Variants in TOE1 observed in about 807,000 individuals in gnomAD.
TOE1 encodes target of EGR1, exonuclease, also known as target of EGR1 protein 1.
Under a neutral mutation model 49.2 loss-of-function variants are expected in TOE1, and 50 were observed. The ratio of observed to expected loss-of-function variants is 1.02; its 90% confidence interval spans 0.81 to 1.29. The LOEUF (loss-of-function observed/expected upper bound fraction) is 1.29. Among genes scored for constraint, TOE1 ranks in the 50% most tolerant of loss-of-function variants. TOE1 has a pLI of 0.00. For missense variants in TOE1, 544 were observed against 654.4 expected, an observed-to-expected ratio of 0.83 and a Z score of 1.84; for synonymous variants, 221 against 247.0, an observed-to-expected ratio of 0.89 and a Z score of 0.99.
rs562110457 is a variant in TOE1, at chr1:45,343,001, C to T, written c.911C>T (p.Ser304Leu). ...PHPTSICDNF[S>L]AYGWCPLGPQ... ...CCCACCAGCATCTGTGACAACTTCT[C>T]GGTGAGAGCACCCACCTGTTTCTTG... The change falls in exon 7 of 8, where the codon TCG becomes TTG. Residue 304 changes from serine (S) to leucine (L), a missense_variant and splice_region_variant. Coordinates refer to ENST00000372090, the MANE Select transcript of TOE1 (RefSeq NM_025077.4). The surrounding 1 kb of genome is among the most constrained non-coding windows in gnomAD (Gnocchi z 4.3). 5.6e-6 allele frequency: 9 copies of T among 1,613,834 alleles called. No homozygotes were observed. Among genetic ancestry groups the T allele is most frequent in the South Asian group, 1.1e-5 (1 of 91,046 alleles).
rs746100347 is a variant in TOE1, at chr1:45,341,135, G to T, written c.115G>T (p.Val39Leu). 6 of 1,614,224 alleles carry T rather than the reference G, an allele frequency of 3.7e-6. No homozygotes were observed. The Admixed American group carries it at 1.0e-4, about 27-fold the overall frequency. The change falls in exon 2 of 8, where the codon GTG (valine) becomes TTG (leucine). Residue 39 changes from valine to leucine, a missense_variant. Coordinates refer to ENST00000372090, the MANE Select transcript of TOE1 (RefSeq NM_025077.4). ...ELVVQVPVVD[V>L]QSNNFKEMWP... ...AGTAGTCCAGGTTCCCGTAGTGGATGTGCAAAGCAACAACTTCAAGGAGAT... is the reference window on the plus strand; with the variant it reads ...AGTAGTCCAGGTTCCCGTAGTGGATTTGCAAAGCAACAACTTCAAGGAGAT...
At chr1:45,341,410 G>C in intron 3 of TOE1, 63 bp from the exon 4 acceptor site, 1 of 1,614,076 alleles carries the variant, frequency 6.2e-7, no homozygotes, top group Admixed American at 1.7e-5. Context: ...CACAGACCTG[G>C]GTGGTTTGGG....
In TOE1 at chr1:45,341,966, GGCT is replaced by G. The variant is rs749042228; in HGVS notation, c.352_354del (p.Ala118del). 27 of 1,613,822 alleles carry G rather than the reference GGCT, an allele frequency of 1.7e-5. No individual in the cohort carries two copies. Among genetic ancestry groups the G allele is most frequent in the Non-Finnish European group, 2.1e-5 (25 of 1,179,916 alleles). On this transcript the variant is annotated inframe_deletion, in exon 5 of 8. Transcript: ENST00000372090. ...TCTCCCAGGGTGAACATTCCTATCT[GGCT>G]CAAGTGTTCAATCTCACTCTGCTGT...
At chr1:45,342,135 G>C (rs765453683) in intron 5 of TOE1, 28 bp downstream of exon 5, 8 of 1,610,948 alleles carry the variant, frequency 5.0e-6, no homozygotes, top group Non-Finnish European at 6.8e-6. Flanking sequence ...CTAGCCTTGA[G>C]TCTGCCCTTT....
chr1:45,342,004 A>G lies in TOE1; in HGVS notation c.389A>G (p.Glu130Gly). ...AATCTCACTCTGCTGTGCATGGAGG[A>G]GTATGTCATAGAACCAAAGTCTGTG... Reference protein sequence around the residue: ...VFNLTLLCMEEYVIEPKSVQF... With the variant: ...VFNLTLLCMEGYVIEPKSVQF... Residue 130 changes from glutamate to glycine, a missense_variant, in exon 5 of 8, where the codon GAG becomes GGG. Coordinates refer to ENST00000372090, the MANE Select transcript of TOE1 (RefSeq NM_025077.4). 6.2e-7 allele frequency: 1 copy of G among 1,614,026 alleles called. No homozygotes were observed. The highest frequency in any genetic ancestry group is 8.5e-7 in the Non-Finnish European group (1 of 1,179,956).
At position 45,343,910 on chromosome 1, in the gene TOE1, G is replaced by C; in HGVS notation, c.*208G>C. 1 of 449,538 alleles carries C rather than the reference G, an allele frequency of 2.2e-6. No homozygotes were observed. Among genetic ancestry groups the C allele is most frequent in the Non-Finnish European group, 3.9e-6 (1 of 257,988 alleles). 27.8% of individuals were successfully genotyped at this position (449,538 alleles called of 1,614,324 possible). ...CCTGTAACACTGACTTTATTTTTAAGTCTGAAAATGTCTTGGGAAAGTTTT... is the reference window on the plus strand; with the variant it reads ...CCTGTAACACTGACTTTATTTTTAACTCTGAAAATGTCTTGGGAAAGTTTT... On this transcript the variant is annotated 3_prime_UTR_variant, in exon 8 of 8. Coordinates refer to ENST00000372090, the MANE Select transcript of TOE1 (RefSeq NM_025077.4). The surrounding 1 kb of genome is among the most constrained non-coding windows in gnomAD (Gnocchi z 4.3).
Position 45,342,615 on chromosome 1 carries a change from T to A in TOE1, c.724T>A (p.Ser242Thr). ...TGAGTTTCATGCCCGTTTCGTGGCC[T>A]CCTACTTAGAATATGCCTTCCGGAA... ...AAEFHARFVA[S>T]YLEYAFRKCE... Residue 242 changes from serine to threonine, a missense_variant, in exon 6 of 8, where the codon TCC becomes ACC. Physicochemically the swap from Ser to Thr is moderately conservative, Grantham distance 58. Transcript: ENST00000372090. 1 of 1,614,080 alleles carries A rather than the reference T, an allele frequency of 6.2e-7. No homozygotes were observed. Among genetic ancestry groups the A allele is most frequent in the Non-Finnish European group, 8.5e-7 (1 of 1,180,012 alleles).
chr1:45,342,174 C>A, intron 5 of TOE1, 67 bp downstream of exon 5: 2 of 1,579,666 alleles, frequency 1.3e-6, no homozygotes, highest in Admixed American at 1.7e-5. Flanking sequence ...CTACCCTAGG[C>A]TGGATGTCTG....
Position 45,342,980 on chromosome 1 carries a change from C to G in TOE1, c.890C>G (p.Thr297Ser). 1.2e-6 allele frequency: 2 copies of G among 1,613,882 alleles called. No individual in the cohort carries two copies. Among genetic ancestry groups the G allele is most frequent in the Non-Finnish European group, 1.7e-6 (2 of 1,179,972 alleles). The change falls in exon 7 of 8, where the codon ACC (threonine) becomes AGC (serine). Residue 297 changes from threonine to serine, a missense_variant. Coordinates refer to ENST00000372090, the MANE Select transcript of TOE1 (RefSeq NM_025077.4). Reference protein sequence around the residue: ...LPPATHRPHPTSICDNFSAYG... With the variant: ...LPPATHRPHPSSICDNFSAYG... ...CCAGCAACCCACCGTCCTCATCCCA[C>G]CAGCATCTGTGACAACTTCTCGGTG...
Position 45,341,543 on chromosome 1 carries a change from G to A in TOE1, c.307G>A (p.Ala103Thr), listed in dbSNP as rs371848318. 3 of 1,613,756 alleles carry A rather than the reference G, an allele frequency of 1.9e-6. No individual in the cohort carries two copies. The highest frequency in any genetic ancestry group is 4.5e-5 in the East Asian group (2 of 44,874). Reference protein sequence around the residue: ...RTRSILSLGLACFKRQPDKGE... With the variant: ...RTRSILSLGLTCFKRQPDKGE... ...CCGTTCTATCCTTTCCCTGGGCCTC[G>A]CCTGCTTCAAGCGGCAGCCAGACAA... Residue 103 changes from alanine to threonine, a missense_variant, in exon 4 of 8, where the codon GCC becomes ACC. Coordinates refer to ENST00000372090, the MANE Select transcript of TOE1 (RefSeq NM_025077.4).
chr1:45,343,093 G>A lies in TOE1; in HGVS notation c.924G>A (p.Trp308Ter), dbSNP rs1475538826. Residue 308 changes from tryptophan to a stop codon, truncating the protein, a stop_gained, in exon 8 of 8, where the codon TGG becomes TGA. Transcript: ENST00000372090. LOFTEE classifies it high-confidence loss of function. This position sits in a 1 kb window ranked among gnomAD's most constrained non-coding sequence, Gnocchi z 4.3. ...SICDNFSAYG[W>*]CPLGPQCPQS... ...TTTCCCACCCCTAGGCTTATGGCTGGTGCCCCCTGGGACCACAGTGTCCTC... is the reference window on the plus strand; with the variant it reads ...TTTCCCACCCCTAGGCTTATGGCTGATGCCCCCTGGGACCACAGTGTCCTC... 1.2e-6 allele frequency: 2 copies of A among 1,613,530 alleles called. No individual in the cohort carries two copies. The highest frequency in any genetic ancestry group is 1.7e-6 in the Non-Finnish European group (2 of 1,179,662).
rs181223290 is a variant in TOE1, at chr1:45,340,188, C to T, written c.-65C>T. ...GCCCCATCCCCGACTGCCTGAACCG[C>T]GCCAGGAGACGGACCGCAAGTCCAG... On this transcript the variant is annotated 5_prime_UTR_variant, in exon 1 of 8. Coordinates refer to ENST00000372090, the MANE Select transcript of TOE1 (RefSeq NM_025077.4). 1.5e-5 allele frequency: 25 copies of T among 1,613,088 alleles called. No homozygotes were observed. In the African/African-American group the frequency reaches 2.8e-4, roughly 18 times the overall value.
chr1:45,341,517 C>T lies in TOE1; in HGVS notation c.281C>T (p.Thr94Ile), dbSNP rs1646974780. 6.2e-7 allele frequency: 1 copy of T among 1,614,082 alleles called. No homozygotes were observed. Among genetic ancestry groups the T allele is most frequent in the Non-Finnish European group, 8.5e-7 (1 of 1,180,022 alleles). ...RYKAVCHAAR[T>I]RSILSLGLAC... ...AAGGCCGTGTGTCATGCTGCCAGGA[C>T]CCGTTCTATCCTTTCCCTGGGCCTC... is the stretch of plus-strand genomic sequence containing the variant. Residue 94 changes from threonine to isoleucine, a missense_variant, in exon 4 of 8, where the codon ACC becomes ATC. Thr to Ile is a moderately conservative substitution (Grantham distance 89). Coordinates refer to ENST00000372090, the MANE Select transcript of TOE1 (RefSeq NM_025077.4).
intron 6 of TOE1, 30 bp downstream of exon 6, chr1:45,342,673 G>A: frequency 1.2e-6 from 2 of 1,610,252 alleles, no homozygotes; most frequent in Non-Finnish European, 1.7e-6. Flanking sequence ...AAAGGGGTGG[G>A]GCCTGATACG....
intron 1 of TOE1, 115 bp from the exon 2 acceptor site, chr1:45,340,958 A>G: frequency 6.9e-7 from 1 of 1,457,152 alleles, no homozygotes; most frequent in South Asian, 1.3e-5. Context: ...GGCTTGTGGG[A>G]AAAGCTACCA....
chr1:45,340,611 A>C, intron 1 of TOE1: 2 of 1,319,642 alleles, frequency 1.5e-6, no homozygotes, highest in Non-Finnish European at 9.7e-7. Flanking sequence ...GGAAGGTAGG[A>C]CGTATTGGGA....
intron 4 of TOE1, 52 bp downstream of exon 4, chr1:45,341,621 G>A: frequency 2.6e-6 from 4 of 1,523,318 alleles, no homozygotes; most frequent in East Asian, 4.6e-5. Flanking sequence ...GTGGAGGGTA[G>A]AGAGATTCTA....
Position 45,343,484 on chromosome 1 carries a change from C to T in TOE1, c.1315C>T (p.Arg439Trp), listed in dbSNP as rs377031691. The T allele has an allele frequency of 9.0e-5, 146 of 1,613,986 alleles. No homozygotes were observed. Among genetic ancestry groups the T allele is most frequent in the Middle Eastern group, 1.6e-4 (1 of 6,084 alleles). The change falls in exon 8 of 8, where the codon CGG (arginine) becomes TGG (tryptophan). Residue 439 changes from arginine (R) to tryptophan (W), a missense_variant. By Grantham distance (101) the Arg-to-Trp change is moderately radical. Coordinates refer to ENST00000372090, the MANE Select transcript of TOE1 (RefSeq NM_025077.4). The surrounding 1 kb of genome is among the most constrained non-coding windows in gnomAD (Gnocchi z 4.3). ...PNPVPGDGLH[R>W]AGFDAFMTGY... Reference sequence around the variant, plus strand: ...CCCAGTGCCTGGGGATGGATTGCACCGGGCTGGTTTTGATGCCTTTATGAC... The same window carrying T: ...CCCAGTGCCTGGGGATGGATTGCACTGGGCTGGTTTTGATGCCTTTATGAC...
At chr1:45,342,690 T>G in intron 6 of TOE1, 47 bp downstream of exon 6, 1 of 1,605,938 alleles carries the variant, frequency 6.2e-7, no homozygotes, top group Non-Finnish European at 8.5e-7. Flanking sequence ...TACGAGTTTA[T>G]TTCATTCACT....
Sources: allele counts gnomAD v4.1 joint callset, GRCh38; gene constraint gnomAD v4.1.1; non-coding constraint Gnocchi (gnomAD v3.1); transcripts MANE v1.5; gene names NCBI Gene and HGNC (gene_info 2026-07-23, HGNC 2026-07-21).